ROBO2: variants seen among roughly 807,000 people sequenced by gnomAD.
ROBO2 encodes roundabout guidance receptor 2, also known as roundabout homolog 2.
A neutral mutation model predicts 160.8 loss-of-function variants in ROBO2; 53 were observed. That is an observed-to-expected ratio of 0.33 (90% confidence interval 0.26 to 0.41). ROBO2 has a LOEUF of 0.41. Ranked by LOEUF, ROBO2 falls within the 10% of genes least tolerant of loss-of-function variation. The pLI is 1.00. For synonymous variants in ROBO2, 664 were observed against 611.7 expected (o/e 1.09, Z -1.26); for missense variants, 1,577 against 1,722.4 (o/e 0.92, Z 1.49).
At chr3:77,230,008 G>A (rs1217809907) in intron 2 of ROBO2, among the ~76,000 whole-genome samples, 2 of 152,140 alleles carry the variant, frequency 1.3e-5, no homozygotes, top group Non-Finnish European at 2.9e-5. Flanking sequence ...TGAATAAAAA[G>A]CTTGAGCTTT....
chr3:76,805,368 C>T (rs2064597832), intron 2 of ROBO2, among the ~76,000 whole-genome samples: 1 of 151,762 alleles, frequency 6.6e-6, no homozygotes, highest in African/African-American at 2.4e-5. Flanking sequence ...TCCTTGAGTG[C>T]TTTCTTTCTA....
intron 1 of ROBO2, among the ~76,000 whole-genome samples, chr3:77,047,955 G>A (rs2149671523): frequency 6.6e-6 from 1 of 152,044 alleles, no homozygotes; most frequent in South Asian, 2.1e-4. Flanking sequence ...GCTGAGGCAG[G>A]AGAATGGCTT....
chr3:76,844,503 T>A (rs974014588), intron 2 of ROBO2, among the ~76,000 whole-genome samples: 1 of 151,960 alleles, frequency 6.6e-6, no homozygotes, highest in Non-Finnish European at 1.5e-5. Flanking sequence ...TCAAAAAAAA[T>A]GCTTAAATTA....
chr3:76,001,514 GTGTGTGTGTGTGTGTATGTGTGTA>G (rs2065886885), intron 2 of ROBO2, among the ~76,000 whole-genome samples: 1 of 148,348 alleles, frequency 6.7e-6, no homozygotes, highest in African/African-American at 2.4e-5. Context: ...ATTTGAATAT[GTGTGTGTGTGTGTGTATGTGTGTA>G]TGTGTGTGTG....
chr3:76,461,961 C>T (rs1424261790), intron 2 of ROBO2, among the ~76,000 whole-genome samples: 1 of 151,998 alleles, frequency 6.6e-6, no homozygotes, highest in Non-Finnish European at 1.5e-5. Context: ...CAGATTAAGT[C>T]CCTTCAGCTT....
intron 2 of ROBO2, among the ~76,000 whole-genome samples, chr3:76,637,547 T>C (rs13063945): frequency 0.17 from 25,389 of 151,992 alleles, 2,317 homozygotes; most frequent in Non-Finnish European, 0.2. Context: ...GGAGGCTGAT[T>C]TTTTACATTA....
chr3:76,981,837 A>AAG (rs2060115724), intron 2 of ROBO2, among the ~76,000 whole-genome samples: 1 of 152,036 alleles, frequency 6.6e-6, no homozygotes, highest in Non-Finnish European at 1.5e-5. Flanking sequence ...AAACAGGGGC[A>AAG]AGAGAGAGAG....
At chr3:77,596,889 C>G in intron 19 of ROBO2, 139 bp downstream of exon 20, 2 of 990,768 alleles carry the variant, frequency 2.0e-6, no homozygotes, top group Non-Finnish European at 3.0e-6. Context: ...TATGCACTAA[C>G]AGTGTTGTAC....
intron 2 of ROBO2, among the ~76,000 whole-genome samples, chr3:76,171,343 AG>A (rs1237567835): frequency 6.6e-6 from 1 of 151,886 alleles, no homozygotes; most frequent in Admixed American, 6.6e-5. Flanking sequence ...AAGAAGAAAA[AG>A]AAAAAAAAAA....
intron 2 of ROBO2, among the ~76,000 whole-genome samples, chr3:76,895,410 A>G (rs768610582): frequency 2.6e-5 from 4 of 152,050 alleles, no homozygotes. Flanking sequence ...GTTTGCTGTC[A>G]TAAATAAGTA....
chr3:77,446,523 T>A (rs2080533614), intron 2 of ROBO2, among the ~76,000 whole-genome samples: 1 of 152,264 alleles, frequency 6.6e-6, no homozygotes, highest in East Asian at 1.9e-4. Flanking sequence ...GTTTTCATCA[T>A]GTTGTCATAT....
At chr3:75,999,208 C>G (rs1289209526) in intron 2 of ROBO2, among the ~76,000 whole-genome samples, 1 of 152,116 alleles carries the variant, frequency 6.6e-6, no homozygotes, top group Non-Finnish European at 1.5e-5. Context: ...TGAAAATATT[C>G]CAGCCTCTGA....
At chr3:76,104,796 T>G (rs2069849980) in intron 2 of ROBO2, among the ~76,000 whole-genome samples, 1 of 152,168 alleles carries the variant, frequency 6.6e-6, no homozygotes, top group Non-Finnish European at 1.5e-5. Context: ...ATTAGGAAAC[T>G]TAGGAAGTGT....
intron 2 of ROBO2, among the ~76,000 whole-genome samples, chr3:76,795,081 C>T (rs1445655294): frequency 6.6e-6 from 1 of 151,890 alleles, no homozygotes; most frequent in African/African-American, 2.4e-5. Flanking sequence ...TGTGCAATAC[C>T]ATTATGTCTA....
intron 6 of ROBO2, among the ~76,000 whole-genome samples, chr3:77,535,580 A>G (rs1405001838): frequency 1.3e-5 from 2 of 152,162 alleles, no homozygotes; most frequent in Non-Finnish European, 2.9e-5. Context: ...CTAATAATGA[A>G]TTCGTTTTTA....
intron 2 of ROBO2, among the ~76,000 whole-genome samples, chr3:76,391,511 G>C (rs913511176): frequency 4.2e-5 from 6 of 142,844 alleles, no homozygotes; most frequent in African/African-American, 1.7e-4. Context: ...TCTTCCTCAT[G>C]ATGGTGATAC....
intron 2 of ROBO2, among the ~76,000 whole-genome samples, chr3:76,925,545 ATACT>A (rs1315161122): frequency 6.6e-6 from 1 of 151,958 alleles, no homozygotes; most frequent in Admixed American, 6.6e-5. Flanking sequence ...CTGGAAAAAA[ATACT>A]TAAACAACAT....
intron 2 of ROBO2, among the ~76,000 whole-genome samples, chr3:76,792,165 A>G (rs1339248795): frequency 6.6e-6 from 1 of 151,934 alleles, no homozygotes; most frequent in Admixed American, 6.6e-5. Flanking sequence ...GAATAGCTGA[A>G]TTAGAGCTAG....
rs71104695 is a variant in ROBO2 at position 77,640,097 on chromosome 3, A to ATTTTTTTTTTTTT, written c.3935-4587_3935-4575dup. Among the ~76,000 whole-genome samples, 73 of 65,484 alleles carry ATTTTTTTTTTTTT rather than the reference A, an allele frequency of 1.1e-3. 6 individuals are homozygous for ATTTTTTTTTTTTT. The highest frequency in any genetic ancestry group is 0.013 in the Middle Eastern group (1 of 78). 43.0% of individuals were successfully genotyped at this position (65,484 alleles called of 152,430 possible). A position where few individuals can be genotyped will look rare whatever the true frequency, so the allele number is the denominator to read the frequency against. ...AGAGAAGAAACACTGCAGAGGAAGC[A>ATTTTTTTTTTTTT]TTTTTTTTTTTTTTTTTTTTTTTTT... On this transcript the variant is annotated intron_variant, in intron 24 of 25. Coordinates refer to ENST00000461745, the Ensembl canonical transcript of ROBO2.
Sources: allele counts gnomAD v4.1 joint callset (sites outside exome capture counted in the v4.1 genomes callset), GRCh38; gene constraint gnomAD v4.1.1; transcripts MANE v1.5; gene names NCBI Gene and HGNC (gene_info 2026-07-23, HGNC 2026-07-21).